The following DAAM2 variants were observed in gnomAD, a reference collection of about 807,000 sequenced individuals.
DAAM2 encodes disheveled-associated activator of morphogenesis 2.
A neutral mutation model predicts 120.7 loss-of-function variants in DAAM2; 39 were observed. That is an observed-to-expected ratio of 0.32 (90% CI 0.25 to 0.42). DAAM2 has a LOEUF of 0.42. Ranked by LOEUF, DAAM2 falls within the 10% of genes least tolerant of loss-of-function variation. The pLI is 1.00. For synonymous variants in DAAM2, 488 were observed against 524.9 expected, an observed-to-expected ratio of 0.93 and a Z score of 0.96; for missense variants, 1,283 against 1,401.7, an observed-to-expected ratio of 0.92 and a Z score of 1.35.
Position 39,878,549 on chromosome 6 carries a change from A to T in DAAM2, c.1506A>T (p.Gly502=), listed in dbSNP as rs1479978121. 2 of 1,609,636 alleles carry T rather than the reference A, an allele frequency of 1.2e-6. No homozygotes were observed. Among genetic ancestry groups the T allele is most frequent in the Non-Finnish European group, 1.7e-6 (2 of 1,178,068 alleles). Residue 502 remains glycine, a synonymous_variant, in exon 13 of 25, where the codon GGA becomes GGT. Coordinates refer to ENST00000274867, the MANE Select transcript of DAAM2 (RefSeq NM_001201427.2). This position sits in a 1 kb window ranked among gnomAD's most constrained non-coding sequence, Gnocchi z 5.0. ...RESQELRQAR[G]QVAELVAQLS... The stretch of plus-strand genomic sequence containing the variant: ...CCCAGGAGCTGCGCCAGGCTCGGGG[A>T]CAAGTGGCAGAGCTGGTAGCCCAGC...
rs531845647 is a variant in DAAM2 at position 39,904,196 on chromosome 6, A to G, written c.*2159A>G. On this transcript the variant is annotated 3_prime_UTR_variant, in exon 25 of 25. Coordinates refer to ENST00000274867, the MANE Select transcript of DAAM2 (RefSeq NM_001201427.2). ...TCAAGATACATTTGATCTTCAGAAA[A>G]GCAGAATTTGGTTCAACTGTTGACA... 1.9e-4 allele frequency: 87 copies of G among 456,750 alleles called. No homozygotes were observed. In the East Asian group the frequency reaches 5.0e-3, roughly 26 times the overall value. 28.3% of individuals were successfully genotyped at this position (456,750 alleles called of 1,614,324 possible).
In DAAM2 at chr6:39,901,378, C is replaced by A. The variant is rs568397719; in HGVS notation, c.2888C>A (p.Thr963Asn). Residue 963 changes from threonine (T) to asparagine (N), a missense_variant, in exon 24 of 25, where the codon ACC becomes AAC. By Grantham distance (65) the Thr-to-Asn change is moderately conservative. Coordinates refer to ENST00000274867, the MANE Select transcript of DAAM2 (RefSeq NM_001201427.2). This position sits in a 1 kb window ranked among gnomAD's most constrained non-coding sequence, Gnocchi z 4.5. ...GACGAATTCTTTGGCATCTTTGATA[C>A]CTTCTTGCAGGCCTTCTCAGAGGCC... ...QPDEFFGIFD[T>N]FLQAFSEARQ... The A allele has an allele frequency of 1.1e-5, 17 of 1,613,902 alleles. No individual in the cohort carries two copies. In the African/African-American group the frequency reaches 2.0e-4, roughly 19 times the overall value.
chr6:39,806,753 A>G (rs563513934), intron 1 of DAAM2, among the ~76,000 whole-genome samples: 1 of 151,822 alleles, frequency 6.6e-6, no homozygotes, highest in Non-Finnish European at 1.5e-5. Flanking sequence ...TCATAAACAT[A>G]TGAAAAGATG....
At chr6:39,832,489 C>T (rs186503484) in intron 1 of DAAM2, among the ~76,000 whole-genome samples, 4 of 152,176 alleles carry the variant, frequency 2.6e-5, no homozygotes, top group East Asian at 1.9e-4. Context: ...AACTGGGCAG[C>T]GAACATGAAT....
chr6:39,861,893 T>C (rs1764226328), intron 3 of DAAM2: 1 of 152,632 alleles, frequency 6.6e-6, no homozygotes, highest in Admixed American at 6.5e-5. Flanking sequence ...CAGGAAGGTC[T>C]GGGCGGAGTC....
chr6:39,848,100 C>G (rs1174665005), intron 1 of DAAM2, among the ~76,000 whole-genome samples: 3 of 152,166 alleles, frequency 2.0e-5, no homozygotes, highest in Admixed American at 2.0e-4. Flanking sequence ...CACCCCTGAG[C>G]CCCTGGCATG....
intron 14 of DAAM2, 59 bp downstream of exon 14, chr6:39,879,536 A>C: frequency 6.2e-7 from 1 of 1,607,992 alleles, no homozygotes; most frequent in Non-Finnish European, 8.5e-7. Flanking sequence ...AGTCAGCCTC[A>C]GGGACCACCC....
intron 19 of DAAM2, among the ~76,000 whole-genome samples, chr6:39,892,739 C>T (rs969519355): frequency 2.6e-5 from 4 of 152,120 alleles, no homozygotes; most frequent in Non-Finnish European, 5.9e-5. Context: ...GTCAGTACTC[C>T]CTGAGATGCC....
At chr6:39,898,835 A>C in intron 21 of DAAM2, 42 bp from the exon 22 acceptor site, 1 of 1,545,554 alleles carries the variant, frequency 6.5e-7, no homozygotes, top group South Asian at 1.2e-5. Flanking sequence ...TCAAGGCGGG[A>C]GTTGATGGTC....
At chr6:39,851,525 G>A (rs573266159) in intron 1 of DAAM2, among the ~76,000 whole-genome samples, 177 of 152,332 alleles carry the variant, frequency 1.2e-3, no homozygotes, top group Non-Finnish European at 2.0e-3. Context: ...ATGTAAGACT[G>A]AGGGATAAAC....
intron 1 of DAAM2, among the ~76,000 whole-genome samples, chr6:39,795,294 A>T (rs982608736): frequency 6.6e-6 from 1 of 152,206 alleles, no homozygotes; most frequent in African/African-American, 2.4e-5. Flanking sequence ...TTGATAGCGG[A>T]TGACCCTCTA....
At chr6:39,812,655 G>C (rs3008799) in intron 1 of DAAM2, among the ~76,000 whole-genome samples, 12 of 84,916 alleles carry the variant, frequency 1.4e-4, no homozygotes, top group Admixed American at 9.2e-4. Context: ...TGTGGAGTCA[G>C]CAGGTAGCTT....
rs117144987 is a variant in DAAM2, at chr6:39,845,729, G to T, written c.-56-10518G>T. ...TGCACAAGGACTCAGGGTCCTCCTG[G>T]ACCCCACTCAATCCACATCCCTCCC... On this transcript the variant is annotated intron_variant, in intron 1 of 24. Transcript: ENST00000274867. Among the ~76,000 whole-genome samples the T allele has an allele frequency of 1.4e-4, 21 of 151,826 alleles. No homozygotes were observed. In the East Asian group the frequency reaches 4.1e-3, roughly 30 times the overall value.
At chr6:39,798,986 C>G (rs1761782594) in intron 1 of DAAM2, among the ~76,000 whole-genome samples, 1 of 152,136 alleles carries the variant, frequency 6.6e-6, no homozygotes, top group Non-Finnish European at 1.5e-5. Context: ...GGAAGCCAAA[C>G]CATATCAACT....
At chr6:39,857,112 C>T (rs529890985) in intron 2 of DAAM2, among the ~76,000 whole-genome samples, 28 of 152,258 alleles carry the variant, frequency 1.8e-4, no homozygotes, top group Admixed American at 9.2e-4. Context: ...GTGAGAAGCC[C>T]GTGTGTGTGC....
At chr6:39,840,230 AAAC>A (rs1369643757) in intron 1 of DAAM2, among the ~76,000 whole-genome samples, 1 of 138,664 alleles carries the variant, frequency 7.2e-6, no homozygotes, top group African/African-American at 3.1e-5. Flanking sequence ...ATGTCTCAAA[AAAC>A]AAACAAACAA....
intron 1 of DAAM2, among the ~76,000 whole-genome samples, chr6:39,829,802 TG>T (rs749472646): frequency 3.3e-5 from 5 of 152,150 alleles, no homozygotes; most frequent in Non-Finnish European, 7.4e-5. Flanking sequence ...ATTGGGAGGA[TG>T]GGAGTTGAAG....
At chr6:39,800,405 A>G (rs574234347) in intron 1 of DAAM2, among the ~76,000 whole-genome samples, 2 of 152,210 alleles carry the variant, frequency 1.3e-5, no homozygotes, top group African/African-American at 4.8e-5. Context: ...CTCCTTAATT[A>G]CTGAATATGC....
intron 1 of DAAM2, among the ~76,000 whole-genome samples, chr6:39,807,803 C>T (rs1295489272): frequency 1.3e-5 from 2 of 152,208 alleles, no homozygotes; most frequent in Non-Finnish European, 2.9e-5. Context: ...AGGCTTGAGC[C>T]ACTGCACCAG....
Sources: allele counts gnomAD v4.1 joint callset (sites outside exome capture counted in the v4.1 genomes callset), GRCh38; gene constraint gnomAD v4.1.1; non-coding constraint Gnocchi (gnomAD v3.1); transcripts MANE v1.5; gene names NCBI Gene and HGNC (gene_info 2026-07-23, HGNC 2026-07-21).